The following FA2H variants were observed in gnomAD, a reference collection of about 807,000 sequenced individuals.
The protein encoded by FA2H is fatty acid alpha-hydroxylase.
In FA2H, 22 loss-of-function variants were observed where a neutral mutation model predicts 44.9. The ratio of observed to expected loss-of-function variants is 0.49; its 90% CI spans 0.35 to 0.70. The LOEUF (loss-of-function observed/expected upper bound fraction) is 0.70, where lower values mean the gene tolerates loss of function less well. FA2H is among the 30% of genes least tolerant of loss of function. The pLI is 0.01. For missense variants in FA2H, 501 were observed against 504.9 expected (o/e 0.99, Z 0.07); for synonymous variants, 243 against 213.2 (o/e 1.14, Z -1.22).
At chr16:74,758,362 C>T (rs1026727613) in intron 1 of FA2H, among the ~76,000 whole-genome samples, 4 of 151,930 alleles carry the variant, frequency 2.6e-5, no homozygotes, top group South Asian at 2.1e-4. Context: ...CCTCGTGATC[C>T]GCCTGCCTCG....
chr16:74,752,354 G>C (rs1962542213), intron 1 of FA2H, among the ~76,000 whole-genome samples: 1 of 151,962 alleles, frequency 6.6e-6, no homozygotes, highest in African/African-American at 2.4e-5. Context: ...TAAATCCCTG[G>C]CCATGACCCA....
At position 74,727,380 on chromosome 16, in the gene FA2H, C is replaced by T; in HGVS notation, c.370G>A (p.Val124Met). ...CACAGGAGAGGCTTTCGCCAGTCCA[C>T]CAGGTCCTGCAAGAGATGAAGCCAA... ...FKVVDWDKDL[V>M]DWRKPLLWQV... is the part of the protein sequence containing the mutation. Residue 124 changes from valine to methionine, a missense_variant, in exon 3 of 7, where the codon GTG becomes ATG. Val to Met is a conservative substitution (Grantham distance 21, BLOSUM62 1). Coordinates refer to ENST00000219368, the MANE Select transcript of FA2H (RefSeq NM_024306.5). The T allele has an allele frequency of 6.2e-7, 1 of 1,614,228 alleles. No homozygotes were observed. Among genetic ancestry groups the T allele is most frequent in the South Asian group, 1.1e-5 (1 of 91,088 alleles).
intron 4 of FA2H, among the ~76,000 whole-genome samples, chr16:74,725,434 C>T (rs371178176): frequency 1.3e-5 from 2 of 152,326 alleles, no homozygotes; most frequent in African/African-American, 4.8e-5. Flanking sequence ...TATACTTAAA[C>T]CCACAGTCAT....
intron 1 of FA2H, among the ~76,000 whole-genome samples, chr16:74,756,382 C>T (rs1261438353): frequency 1.3e-5 from 2 of 152,156 alleles, no homozygotes; most frequent in East Asian, 1.9e-4. Flanking sequence ...GTGGGCCACA[C>T]ACATGCTGCT....
chr16:74,739,562 G>A (rs1051573483), intron 2 of FA2H, among the ~76,000 whole-genome samples: 17 of 152,276 alleles, frequency 1.1e-4, no homozygotes, highest in African/African-American at 3.8e-4. Context: ...TCCCAAACAC[G>A]GAGGATGGCT....
chr16:74,721,655 T>C (rs530624620), intron 4 of FA2H, among the ~76,000 whole-genome samples: 1 of 152,328 alleles, frequency 6.6e-6, no homozygotes, highest in East Asian at 1.9e-4. Flanking sequence ...GGATGATCCC[T>C]GTGCATCTTC....
In FA2H at chr16:74,719,029, G is replaced by C; in HGVS notation, c.745C>G (p.Leu249Val). The change falls in exon 5 of 7, where the codon CTC becomes GTC. Residue 249 changes from leucine (L) to valine (V), a missense_variant. Leu to Val is a conservative substitution (Grantham distance 32). Transcript: ENST00000219368. ...TGCATGACGAAGTGCAGCATGATGAGGTAATAGCTGTCGCTGGGGGGCTTC... is the reference window on the plus strand; with the variant it reads ...TGCATGACGAAGTGCAGCATGATGACGTAATAGCTGTCGCTGGGGGGCTTC... The part of the protein sequence containing the change: ...HMKPPSDSYY[L>V]IMLHFVMHGQ... 6.2e-7 allele frequency: 1 copy of C among 1,613,994 alleles called. No individual in the cohort carries two copies. The highest frequency in any genetic ancestry group is 8.5e-7 in the Non-Finnish European group (1 of 1,180,042).
At chr16:74,766,670 T>A (rs1019129906) in intron 1 of FA2H, among the ~76,000 whole-genome samples, 1 of 151,996 alleles carries the variant, frequency 6.6e-6, no homozygotes, top group Non-Finnish European at 1.5e-5. Flanking sequence ...GATCAACAGG[T>A]GGTCCAAGCC....
intron 6 of FA2H, among the ~76,000 whole-genome samples, chr16:74,715,117 T>C (rs1175861363): frequency 1.3e-5 from 2 of 151,952 alleles, no homozygotes; most frequent in Non-Finnish European, 2.9e-5. Context: ...TACCGGAAAA[T>C]GTTTAAGCAT....
intron 1 of FA2H, among the ~76,000 whole-genome samples, chr16:74,756,236 A>G (rs1050267140): frequency 2.0e-5 from 3 of 152,190 alleles, no homozygotes; most frequent in African/African-American, 7.2e-5. Context: ...CAAAGCAGGA[A>G]GAATAAGCAG....
intron 1 of FA2H, among the ~76,000 whole-genome samples, chr16:74,746,468 C>G (rs1468890703): frequency 6.6e-6 from 1 of 151,818 alleles, no homozygotes; most frequent in African/African-American, 2.4e-5. Context: ...AGGTGATCCT[C>G]CTACCTTGGC....
chr16:74,720,180 C>CTTTTTGTTTTTTT (rs1961802631), intron 4 of FA2H, among the ~76,000 whole-genome samples: 1 of 47,198 alleles, frequency 2.1e-5, no homozygotes, highest in Non-Finnish European at 3.7e-5. Context: ...CATCCTCATC[C>CTTTTTGTTTTTTT]TTTTTTTTTT....
chr16:74,726,400 T>G, intron 3 of FA2H, 69 bp from the exon 4 acceptor site: 3 of 1,053,194 alleles, frequency 2.8e-6, no homozygotes, highest in Non-Finnish European at 4.4e-6. Flanking sequence ...CTTTCTTTTT[T>G]TTTTTGAGAC....
Position 74,720,180 on chromosome 16 carries a change from C to CTTTTTTTTTTTTTTTTTTTTTTT in FA2H, c.614-1043_614-1021dup, listed in dbSNP as rs56341013. Among the ~76,000 whole-genome samples, 4 of 47,242 alleles carry CTTTTTTTTTTTTTTTTTTTTTTT rather than the reference C, an allele frequency of 8.5e-5. 1 individual carries two copies. Among genetic ancestry groups the CTTTTTTTTTTTTTTTTTTTTTTT allele is most frequent in the African/African-American group, 2.0e-4 (2 of 9,822 alleles). 31.0% of individuals were successfully genotyped at this position (47,242 alleles called of 152,430 possible). A position where few individuals can be genotyped will look rare whatever the true frequency, so the allele number is the denominator to read the frequency against. On this transcript the variant is annotated intron_variant, in intron 4 of 6. Transcript: ENST00000219368. Reference sequence around the variant, plus strand: ...TTTGCTCCATATATTCATCCTCATCCTTTTTTTTTTTTTTTTTTTTTTTTT... The same window carrying CTTTTTTTTTTTTTTTTTTTTTTT: ...TTTGCTCCATATATTCATCCTCATCCTTTTTTTTTTTTTTTTTTTTTTTTTTTTTTTTTTTTTTTTTTTTTTTT...
At chr16:74,743,053 T>C (rs1264880339) in intron 1 of FA2H, among the ~76,000 whole-genome samples, 1 of 152,202 alleles carries the variant, frequency 6.6e-6, no homozygotes, top group Non-Finnish European at 1.5e-5. Flanking sequence ...TCTCTCACTA[T>C]GTTGTCCAGT....
intron 1 of FA2H, among the ~76,000 whole-genome samples, chr16:74,752,157 C>T (rs1195220850): frequency 1.3e-5 from 2 of 152,204 alleles, no homozygotes; most frequent in African/African-American, 2.4e-5. Flanking sequence ...ATCCAGGCCA[C>T]CCCCATCTGC....
chr16:74,758,624 C>T (rs751067680), intron 1 of FA2H, among the ~76,000 whole-genome samples: 1 of 151,914 alleles, frequency 6.6e-6, no homozygotes, highest in Non-Finnish European at 1.5e-5. Context: ...TAATTAATGT[C>T]GATTAGAATG....
At chr16:74,733,469 CCA>C (rs1230770058) in intron 2 of FA2H, among the ~76,000 whole-genome samples, 3 of 152,138 alleles carry the variant, frequency 2.0e-5, no homozygotes, top group African/African-American at 7.2e-5. Flanking sequence ...GTAGCAGCCT[CCA>C]CACAGTTTCC....
At chr16:74,716,670 C>T in intron 5 of FA2H, 71 bp from the exon 6 acceptor site, 2 of 1,483,702 alleles carry the variant, frequency 1.3e-6, no homozygotes, top group Non-Finnish European at 1.8e-6. Context: ...CCTGGCCACT[C>T]CCTGCAGAGG....
Sources: gnomAD v4.1 joint callset for allele counts (sites outside exome capture counted in the v4.1 genomes callset) on GRCh38, gnomAD v4.1.1 for gene constraint, MANE v1.5 for transcripts, NCBI Gene and HGNC (gene_info 2026-07-23, HGNC 2026-07-21) for gene names.